TESC: variants seen among roughly 807,000 people sequenced by gnomAD.
TESC encodes calcineurin B homologous protein 3.
Under a neutral mutation model 31.0 loss-of-function variants are expected in TESC, and 19 were observed. That is an observed-to-expected ratio of 0.61 (90% CI 0.43 to 0.90). The LOEUF is 0.90. Among genes scored for constraint, TESC ranks in the 40% least tolerant of loss-of-function variants. The probability of loss-of-function intolerance (pLI) is 0.00; values close to 1 mark genes in which losing one functional copy is unlikely to be tolerated. For missense variants in TESC, 248 were observed against 303.8 expected, an observed-to-expected ratio of 0.82 and a Z score of 1.36; for synonymous variants, 109 against 114.8, an observed-to-expected ratio of 0.95 and a Z score of 0.32.
At chr12:117,050,447 T>A (rs1385300336) in intron 3 of TESC, among the ~76,000 whole-genome samples, 1 of 152,190 alleles carries the variant, frequency 6.6e-6, no homozygotes, top group Non-Finnish European at 1.5e-5. Context: ...TTGCCAAGGA[T>A]TGAAAGTTTT....
chr12:117,051,937 T>C (rs1954652814), intron 3 of TESC, among the ~76,000 whole-genome samples: 1 of 152,142 alleles, frequency 6.6e-6, no homozygotes, highest in African/African-American at 2.4e-5. Flanking sequence ...AATAAAAGTT[T>C]ATTTATTTAT....
chr12:117,041,828 T>C (rs1250991844), intron 7 of TESC, 119 bp downstream of exon 7: 12 of 997,188 alleles, frequency 1.2e-5, no homozygotes, highest in Non-Finnish European at 1.6e-5. Context: ...ACTGAGATGT[T>C]GGTCACCCAG....
intron 1 of TESC, among the ~76,000 whole-genome samples, chr12:117,095,893 TA>T (rs960294247): frequency 2.6e-5 from 4 of 151,390 alleles, no homozygotes; most frequent in Non-Finnish European, 2.9e-5. Flanking sequence ...AACTAAAAAT[TA>T]AAAAAAACTG....
chr12:117,057,110 T>C (rs1954737315), intron 2 of TESC, among the ~76,000 whole-genome samples: 1 of 152,076 alleles, frequency 6.6e-6, no homozygotes, highest in Non-Finnish European at 1.5e-5. Flanking sequence ...TCAAGATACT[T>C]TTCTTTTTTG....
At chr12:117,049,356 C>T (rs536545057) in intron 3 of TESC, among the ~76,000 whole-genome samples, 198 bp from the exon 4 acceptor site, 1 of 152,344 alleles carries the variant, frequency 6.6e-6, no homozygotes, top group Admixed American at 6.5e-5. Flanking sequence ...CAGCCCTTGC[C>T]CTGCCCTCAC....
chr12:117,085,275 A>G (rs985836754), intron 1 of TESC, among the ~76,000 whole-genome samples: 1 of 152,192 alleles, frequency 6.6e-6, no homozygotes, highest in Admixed American at 6.5e-5. Context: ...GGCCTCATCT[A>G]TCAGTCCAGG....
chr12:117,046,453 C>T, intron 6 of TESC, 106 bp downstream of exon 6: 1 of 1,106,024 alleles, frequency 9.0e-7, no homozygotes, highest in Admixed American at 2.5e-5. Flanking sequence ...ACAGGTAGAG[C>T]AGGTGGCAGA....
At chr12:117,053,017 C>T (rs1954670123) in intron 3 of TESC, among the ~76,000 whole-genome samples, 1 of 152,234 alleles carries the variant, frequency 6.6e-6, no homozygotes. Flanking sequence ...CCCACACCAG[C>T]CCAGACCTCA....
At chr12:117,058,565 T>TA (rs10637829) in intron 2 of TESC, among the ~76,000 whole-genome samples, 3,858 of 113,264 alleles carry the variant, frequency 0.034, 229 homozygotes, top group African/African-American at 0.11. Context: ...GTAAAGCTGT[T>TA]AAAAAAAAAA....
At chr12:117,084,138 A>T (rs2135795780) in intron 1 of TESC, 1 of 152,270 alleles carries the variant, frequency 6.6e-6, no homozygotes, top group South Asian at 2.1e-4. Context: ...ATGTTTGTAT[A>T]ACTTTGTGAA....
At chr12:117,075,905 A>ATATATATATATATATG (rs1955060241) in intron 1 of TESC, among the ~76,000 whole-genome samples, 2 of 76,726 alleles carry the variant, frequency 2.6e-5, no homozygotes, top group South Asian at 3.9e-4. Flanking sequence ...ATATATATAT[A>ATATATATATATATATG]TATATATATG....
chr12:117,060,301 T>C (rs1954785059), intron 2 of TESC, among the ~76,000 whole-genome samples: 1 of 150,924 alleles, frequency 6.6e-6, no homozygotes, highest in Non-Finnish European at 1.5e-5. Flanking sequence ...CGCCCCAGAG[T>C]TGGGGGTGAT....
intron 2 of TESC, among the ~76,000 whole-genome samples, chr12:117,059,857 G>A (rs1053759049): frequency 6.6e-6 from 1 of 152,132 alleles, no homozygotes; most frequent in African/African-American, 2.4e-5. Flanking sequence ...CTCCCAAAGT[G>A]CTGGGATTAC....
chr12:117,092,679 T>A (rs1955329304), intron 1 of TESC, among the ~76,000 whole-genome samples: 1 of 152,202 alleles, frequency 6.6e-6, no homozygotes, highest in African/African-American at 2.4e-5. Flanking sequence ...GAGGAGCCAC[T>A]GTCTGAGGAG....
intron 3 of TESC, among the ~76,000 whole-genome samples, chr12:117,051,531 A>G (rs1954647838): frequency 6.6e-6 from 1 of 152,138 alleles, no homozygotes; most frequent in Non-Finnish European, 1.5e-5. Context: ...AATAACCTCA[A>G]AGTTCTCACT....
At chr12:117,054,415 T>TC (rs1323357013) in intron 3 of TESC, among the ~76,000 whole-genome samples, 1 of 151,892 alleles carries the variant, frequency 6.6e-6, no homozygotes, top group Non-Finnish European at 1.5e-5. Flanking sequence ...CAGCCTGCCC[T>TC]CCCCACACCA....
intron 2 of TESC, among the ~76,000 whole-genome samples, chr12:117,058,715 C>G (rs1305329418): frequency 6.7e-6 from 1 of 148,844 alleles, no homozygotes; most frequent in Non-Finnish European, 1.5e-5. Context: ...TACACTGCAG[C>G]CTGGGTGATA....
At position 117,099,318 on chromosome 12, in the gene TESC, T is replaced by C; in HGVS notation, c.-36A>G. On this transcript the variant is annotated 5_prime_UTR_variant, in exon 1 of 8. Coordinates refer to ENST00000335209, the MANE Select transcript of TESC (RefSeq NM_017899.4). ...GCGGGGGCCCCGGGGCGCGCGTCCC[T>C]CTCAGGCCCCGCACTGGCTTCGGCT... is the stretch of plus-strand genomic sequence containing the variant. 5.7e-6 allele frequency: 8 copies of C among 1,414,096 alleles called. No individual in the cohort carries two copies. The highest frequency in any genetic ancestry group is 7.3e-6 in the Non-Finnish European group (8 of 1,089,006). The allele number at this position is 1,414,096 out of a possible 1,614,324, so 87.6% of individuals were successfully genotyped here. A position where few individuals can be genotyped will look rare whatever the true frequency, so the allele number is the denominator to read the frequency against.
intron 1 of TESC, among the ~76,000 whole-genome samples, chr12:117,090,314 G>A (rs1030969998): frequency 6.6e-6 from 1 of 152,222 alleles, no homozygotes; most frequent in African/African-American, 2.4e-5. Flanking sequence ...CCCCAATTAT[G>A]AGCACAAGGG....
Sources: gnomAD v4.1 joint callset for allele counts (sites outside exome capture counted in the v4.1 genomes callset) on GRCh38, gnomAD v4.1.1 for gene constraint, MANE v1.5 for transcripts, NCBI Gene and HGNC (gene_info 2026-07-23, HGNC 2026-07-21) for gene names.